PCBP3: variants seen among roughly 807,000 people sequenced by gnomAD.
PCBP3 encodes the protein poly(rC)-binding protein 3.
In PCBP3, 25 loss-of-function variants were observed where a neutral mutation model predicts 52.7. That is an observed-to-expected ratio of 0.47 (90% CI 0.35 to 0.66). The LOEUF (loss-of-function observed/expected upper bound fraction) is 0.66, where lower values mean the gene tolerates loss of function less well. Among genes scored for constraint, PCBP3 ranks in the 30% least tolerant of loss-of-function variants. The pLI, the probability that PCBP3 is intolerant of heterozygous loss-of-function variation, is 0.01. For synonymous variants in PCBP3, 162 were observed against 183.0 expected, an observed-to-expected ratio of 0.89 and a Z score of 0.93; for missense variants, 391 against 490.3, an observed-to-expected ratio of 0.80 and a Z score of 1.91.
intron 4 of PCBP3, among the ~76,000 whole-genome samples, chr21:45,786,435 C>T (rs967241830): frequency 6.6e-6 from 1 of 151,980 alleles, no homozygotes; most frequent in East Asian, 1.9e-4. Flanking sequence ...GGATTATAGG[C>T]GCCCACCAAT....
At position 45,941,769 on chromosome 21, in the gene PCBP3, C is replaced by T. The variant is rs2077494001; in HGVS notation, c.*63C>T. On this transcript the variant is annotated 3_prime_UTR_variant, in exon 18 of 18. Coordinates refer to ENST00000681687, the MANE Select transcript of PCBP3 (RefSeq NM_001384156.1). Reference sequence around the variant, plus strand: ...CAGAGCCTAAGGCCCCCGGCTCTCGCACTCTGTACAGCCCACCTTCCCTGC... The same window carrying T: ...CAGAGCCTAAGGCCCCCGGCTCTCGTACTCTGTACAGCCCACCTTCCCTGC... 2 of 1,365,456 alleles carry T rather than the reference C, an allele frequency of 1.5e-6. No homozygotes were observed. The highest frequency in any genetic ancestry group is 2.0e-6 in the Non-Finnish European group (2 of 976,574). 84.6% of individuals were successfully genotyped at this position (1,365,456 alleles called of 1,614,324 possible). A position where few individuals can be genotyped will look rare whatever the true frequency, so the allele number is the denominator to read the frequency against.
chr21:45,706,478 T>C (rs995275178), intron 2 of PCBP3, among the ~76,000 whole-genome samples: 2 of 151,566 alleles, frequency 1.3e-5, no homozygotes, highest in African/African-American at 4.9e-5. Context: ...CTCCCTCCCC[T>C]CTCCCTCTGC....
chr21:45,846,109 G>A (rs75164391), intron 4 of PCBP3, among the ~76,000 whole-genome samples: 3,137 of 152,300 alleles, frequency 0.021, 43 homozygotes, highest in Middle Eastern at 0.037. Context: ...GCGTGAGGTT[G>A]GAAGAGGCGG....
At chr21:45,769,870 C>T (rs979253352) in intron 4 of PCBP3, among the ~76,000 whole-genome samples, 16 of 152,244 alleles carry the variant, frequency 1.1e-4, no homozygotes, top group Non-Finnish European at 2.1e-4. Flanking sequence ...AGCTCTGTGA[C>T]TCAGCCCAGC....
At position 45,735,942 on chromosome 21, in the gene PCBP3, G is replaced by C. The variant is rs371788983; in HGVS notation, c.-162+513G>C. 7.9e-5 allele frequency among the ~76,000 whole-genome samples: 12 copies of C among 152,212 alleles called. No homozygotes were observed. The highest frequency in any genetic ancestry group is 2.7e-4 in the African/African-American group (11 of 41,446). On this transcript the variant is annotated intron_variant, in intron 3 of 17. Transcript: ENST00000681687. This position sits in a 1 kb window ranked among gnomAD's most constrained non-coding sequence, Gnocchi z 4.0. ...ACCTGGCACCGGCCAGCACACAGAG[G>C]CACTCACCTGTCTCACACAATGCAC... is the stretch of plus-strand genomic sequence containing the variant.
intron 4 of PCBP3, among the ~76,000 whole-genome samples, chr21:45,797,202 A>AGATG (rs777131236): frequency 2.0e-5 from 3 of 152,144 alleles, no homozygotes; most frequent in Non-Finnish European, 4.4e-5. Flanking sequence ...TGTGAATGCT[A>AGATG]GATGGATGGA....
intron 2 of PCBP3, among the ~76,000 whole-genome samples, chr21:45,734,004 G>C (rs1021451522): frequency 2.0e-5 from 3 of 152,204 alleles, no homozygotes; most frequent in African/African-American, 7.2e-5. Flanking sequence ...GTTTTGGACG[G>C]ATGAAAGACA....
intron 4 of PCBP3, among the ~76,000 whole-genome samples, chr21:45,781,919 A>G (rs1050088488): frequency 1.5e-4 from 23 of 152,190 alleles, no homozygotes; most frequent in Non-Finnish European, 2.8e-4. Flanking sequence ...GTTTATATAA[A>G]TGGAAATGCA....
In PCBP3 at chr21:45,935,557, C is replaced by G. The variant is rs989337961; in HGVS notation, c.909+252C>G. On this transcript the variant is annotated intron_variant, in intron 16 of 17. Coordinates refer to ENST00000681687, the MANE Select transcript of PCBP3 (RefSeq NM_001384156.1). ...GCTAAAGGGGACTTCAGATATTAAT[C>G]AGTAGTCAGATGAGAGTTGGGCTGA... The G allele has an allele frequency of 1.5e-5, 9 of 615,748 alleles. No homozygotes were observed. The African/African-American group carries it at 1.6e-4, about 11-fold the overall frequency. 38.1% of individuals were successfully genotyped at this position (615,748 alleles called of 1,614,324 possible).
intron 2 of PCBP3, among the ~76,000 whole-genome samples, chr21:45,699,031 T>G (rs1401514714): frequency 6.6e-6 from 1 of 152,210 alleles, no homozygotes; most frequent in Non-Finnish European, 1.5e-5. Flanking sequence ...GCTGTGCTAT[T>G]TAAAGACCAG....
intron 5 of PCBP3, among the ~76,000 whole-genome samples, chr21:45,861,480 C>T (rs565871179): frequency 2.0e-5 from 3 of 152,298 alleles, no homozygotes; most frequent in South Asian, 4.2e-4. Flanking sequence ...AGGGCCAGAG[C>T]ACGCCTTGAG....
At chr21:45,934,341 A>G (rs538719500) in intron 15 of PCBP3, among the ~76,000 whole-genome samples, 2 of 152,216 alleles carry the variant, frequency 1.3e-5, no homozygotes, top group South Asian at 2.1e-4. Flanking sequence ...AGAGCAGAGC[A>G]GCCTCTGGCC....
rs764579480 is a variant in PCBP3 at position 45,930,863 on chromosome 21, T to C, written c.856+18T>C. 3.8e-5 allele frequency: 61 copies of C among 1,612,662 alleles called. No homozygotes were observed. Among genetic ancestry groups the C allele is most frequent in the Non-Finnish European group, 4.9e-5 (58 of 1,179,630 alleles). On this transcript the variant is annotated intron_variant, in intron 15 of 17. Transcript: ENST00000681687. ...GTCATCAGGTAACACAAAGCCACAC[T>C]GACAGGAGAACAGGCCAGGGCAGCA...
chr21:45,696,944 A>G (rs560625890), intron 2 of PCBP3, among the ~76,000 whole-genome samples: 35 of 152,368 alleles, frequency 2.3e-4, no homozygotes, highest in African/African-American at 8.2e-4. Flanking sequence ...GTGAGGTACC[A>G]CAATAGCCTT....
In PCBP3 at chr21:45,724,784, T is replaced by C. The variant is rs574444066; in HGVS notation, c.-199-10608T>C. On this transcript the variant is annotated intron_variant, in intron 2 of 17. Transcript: ENST00000681687. The surrounding 1 kb of genome is among the most constrained non-coding windows in gnomAD (Gnocchi z 5.3). ...AGTGGCACTCTGTTGGCTGTTGTTT[T>C]CAGGCTGTTGGGCCGTGAGGCTGCT... Among the ~76,000 whole-genome samples the C allele has an allele frequency of 2.0e-4, 31 of 152,100 alleles. No individual in the cohort carries two copies. In the South Asian group the frequency reaches 6.5e-3, roughly 32 times the overall value.
At chr21:45,810,293 G>A (rs2092648328) in intron 4 of PCBP3, among the ~76,000 whole-genome samples, 2 of 151,356 alleles carry the variant, frequency 1.3e-5, no homozygotes, top group East Asian at 3.9e-4. Context: ...AGGCTGGAGT[G>A]CAGTGGCACG....
At chr21:45,850,440 T>C (rs1449258561) in intron 5 of PCBP3, among the ~76,000 whole-genome samples, 2 of 152,156 alleles carry the variant, frequency 1.3e-5, no homozygotes, top group Middle Eastern at 3.4e-3. Context: ...TGCTGGGGGC[T>C]GAAGATCGTC....
In PCBP3 at chr21:45,816,597, C is replaced by T. The variant is rs574249840; in HGVS notation, c.-125-33364C>T. ...AGGCCTGCACAGGGTCAGAATCGTG[C>T]ATGCCACTGTCTTCCACCTCCACGC... On this transcript the variant is annotated intron_variant, in intron 4 of 17. Transcript: ENST00000681687. 1.8e-3 allele frequency among the ~76,000 whole-genome samples: 271 copies of T among 147,574 alleles called. 1 individual carries two copies. The highest frequency in any genetic ancestry group is 6.6e-3 in the African/African-American group (261 of 39,620).
intron 4 of PCBP3, among the ~76,000 whole-genome samples, chr21:45,811,852 A>C (rs940976901): frequency 1.3e-5 from 2 of 152,182 alleles, no homozygotes; most frequent in African/African-American, 4.8e-5. Flanking sequence ...GTTTACACCT[A>C]TTGTAATAAC....
Sources: allele counts gnomAD v4.1 joint callset (sites outside exome capture counted in the v4.1 genomes callset), GRCh38; gene constraint gnomAD v4.1.1; non-coding constraint Gnocchi (gnomAD v3.1); transcripts MANE v1.5; gene names NCBI Gene and HGNC (gene_info 2026-07-23, HGNC 2026-07-21).